CCDC148: variants seen among roughly 807,000 people sequenced by gnomAD.
CCDC148 encodes coiled-coil domain containing 148, also known as coiled-coil domain-containing protein 148.
Under a neutral mutation model 85.7 loss-of-function variants are expected in CCDC148, and 89 were observed. The observed-to-expected ratio is 1.04, with a 90% CI of 0.87 to 1.24. The LOEUF (loss-of-function observed/expected upper bound fraction) is 1.24, where lower values mean the gene tolerates loss of function less well. Among genes scored for constraint, CCDC148 ranks in the 50% most tolerant of loss-of-function variants. The pLI is 0.00. For missense variants in CCDC148, 692 were observed against 671.7 expected, an observed-to-expected ratio of 1.03 and a Z score of -0.33; for synonymous variants, 230 against 213.9, an observed-to-expected ratio of 1.08 and a Z score of -0.66.
At chr2:158,432,014 A>G (rs1408655333) in intron 1 of CCDC148, among the ~76,000 whole-genome samples, 1 of 152,180 alleles carries the variant, frequency 6.6e-6, no homozygotes, top group African/African-American at 2.4e-5. Flanking sequence ...ATGGCAAAGT[A>G]CAGAATAAGA....
intron 9 of CCDC148, among the ~76,000 whole-genome samples, chr2:158,302,020 A>G (rs987236759): frequency 6.6e-6 from 1 of 152,236 alleles, no homozygotes; most frequent in Non-Finnish European, 1.5e-5. Flanking sequence ...TGAAGGAAAC[A>G]CTACAAAGAA....
chr2:158,455,713 T>C (rs1039317890), intron 1 of CCDC148, among the ~76,000 whole-genome samples: 4 of 152,200 alleles, frequency 2.6e-5, no homozygotes, highest in African/African-American at 9.7e-5. Flanking sequence ...GGCTATAGGC[T>C]AGAGCAATAT....
chr2:158,289,208 A>G (rs1231488299), intron 9 of CCDC148, among the ~76,000 whole-genome samples: 1 of 152,204 alleles, frequency 6.6e-6, no homozygotes, highest in Non-Finnish European at 1.5e-5. Flanking sequence ...ACCATAAAAG[A>G]CAAAGATTGA....
intron 10 of CCDC148, among the ~76,000 whole-genome samples, chr2:158,237,673 G>T (rs375242618): frequency 6.6e-6 from 1 of 152,270 alleles, no homozygotes. Context: ...TAACACATAT[G>T]AGTTTGGAGT....
At chr2:158,202,666 A>G (rs1686028285) in intron 11 of CCDC148, among the ~76,000 whole-genome samples, 1 of 152,238 alleles carries the variant, frequency 6.6e-6, no homozygotes, top group South Asian at 2.1e-4. Flanking sequence ...CAAACAAAGA[A>G]GCTTGGCTCT....
At chr2:158,231,050 A>C (rs1324818581) in intron 10 of CCDC148, among the ~76,000 whole-genome samples, 1 of 152,164 alleles carries the variant, frequency 6.6e-6, no homozygotes, top group South Asian at 2.1e-4. Flanking sequence ...AAGACCTCTA[A>C]GTTGGAGGGG....
intron 7 of CCDC148, among the ~76,000 whole-genome samples, chr2:158,322,573 G>A (rs1692571610): frequency 6.6e-6 from 1 of 151,846 alleles, no homozygotes; most frequent in South Asian, 2.1e-4. Context: ...TTTTCTAACT[G>A]TATTTTAAAA....
At chr2:158,243,385 A>T (rs1457330552) in intron 10 of CCDC148, among the ~76,000 whole-genome samples, 2 of 151,790 alleles carry the variant, frequency 1.3e-5, no homozygotes, top group Non-Finnish European at 2.9e-5. Flanking sequence ...TTCACATCAT[A>T]CTCTCTCTGT....
intron 1 of CCDC148, among the ~76,000 whole-genome samples, chr2:158,420,616 C>T (rs1005295530): frequency 6.6e-6 from 1 of 152,130 alleles, no homozygotes; most frequent in African/African-American, 2.4e-5. Flanking sequence ...ACAACCAGTA[C>T]CAGCCACTGC....
At chr2:158,381,043 T>C (rs1199742563) in intron 1 of CCDC148, 2 of 152,130 alleles carry the variant, frequency 1.3e-5, no homozygotes, top group African/African-American at 2.4e-5. Context: ...AACATATTCA[T>C]GACCTTGGAA....
chr2:158,240,452 T>TCTCTCACACACACA (rs941238898), intron 10 of CCDC148, among the ~76,000 whole-genome samples: 102 of 120,546 alleles, frequency 8.5e-4, no homozygotes, highest in Non-Finnish European at 1.5e-3. Context: ...TCTCTCTCTC[T>TCTCTCACACACACA]CACACACACA....
At chr2:158,306,673 T>C (rs1186421533) in intron 9 of CCDC148, among the ~76,000 whole-genome samples, 4 of 148,586 alleles carry the variant, frequency 2.7e-5, no homozygotes, top group Non-Finnish European at 4.5e-5. Flanking sequence ...CACCGGGGCC[T>C]GTTGCAGGGT....
chr2:158,201,880 G>A (rs1453938126), intron 11 of CCDC148, among the ~76,000 whole-genome samples: 1 of 152,106 alleles, frequency 6.6e-6, no homozygotes, highest in Non-Finnish European at 1.5e-5. Flanking sequence ...TATCACAATG[G>A]TATCGTGGTT....
At chr2:158,343,381 T>C (rs935800266) in intron 3 of CCDC148, among the ~76,000 whole-genome samples, 2 of 152,184 alleles carry the variant, frequency 1.3e-5, no homozygotes, top group African/African-American at 4.8e-5. Flanking sequence ...CATCTGAGAC[T>C]CAAGATTCTC....
chr2:158,223,266 G>C (rs537545269), intron 10 of CCDC148, among the ~76,000 whole-genome samples: 298 of 152,308 alleles, frequency 2.0e-3, no homozygotes, highest in African/African-American at 6.6e-3. Flanking sequence ...AGCGAGGCTG[G>C]GGGAGGGACA....
intron 1 of CCDC148, among the ~76,000 whole-genome samples, chr2:158,378,648 C>A (rs1684751844): frequency 6.6e-6 from 1 of 152,134 alleles, no homozygotes; most frequent in East Asian, 1.9e-4. Context: ...GGGTCTAATG[C>A]AGCTGGTGAC....
intron 11 of CCDC148, among the ~76,000 whole-genome samples, chr2:158,218,488 A>G (rs145233295): frequency 1.2e-3 from 176 of 152,286 alleles, no homozygotes; most frequent in African/African-American, 4.0e-3. Flanking sequence ...TGAATCAGCT[A>G]ATCTTGATAA....
chr2:158,290,658 G>A (rs1413772943), intron 9 of CCDC148, among the ~76,000 whole-genome samples: 1 of 151,806 alleles, frequency 6.6e-6, no homozygotes, highest in Non-Finnish European at 1.5e-5. Flanking sequence ...TTTCTCCCTA[G>A]CACTTTTTGC....
At chr2:158,435,634 T>C (rs1687610238) in intron 1 of CCDC148, among the ~76,000 whole-genome samples, 1 of 152,098 alleles carries the variant, frequency 6.6e-6, no homozygotes, top group Non-Finnish European at 1.5e-5. Context: ...CAATATTAAC[T>C]TTAAATGTAA....
Sources: allele counts gnomAD v4.1 joint callset (sites outside exome capture counted in the v4.1 genomes callset), GRCh38; gene constraint gnomAD v4.1.1; transcripts MANE v1.5; gene names NCBI Gene and HGNC (gene_info 2026-07-23, HGNC 2026-07-21).